Variants in EML4 observed in about 807,000 individuals in gnomAD.
EML4 encodes EMAP like 4, also known as echinoderm microtubule-associated protein-like 4.
EML4 carries 72 observed loss-of-function variants against 129.0 expected under a neutral mutation model. The ratio of observed to expected loss-of-function variants is 0.56; its 90% CI spans 0.46 to 0.68. EML4 has a LOEUF of 0.68. EML4 is among the 30% of genes least tolerant of loss of function. The pLI is 0.00. For synonymous variants in EML4, 532 were observed against 405.0 expected (o/e 1.31, Z -3.77); for missense variants, 1,363 against 1,190.6 (o/e 1.14, Z -2.13).
chr2:42,239,725 G>A (rs779416327), intron 1 of EML4, among the ~76,000 whole-genome samples: 3 of 145,610 alleles, frequency 2.1e-5, no homozygotes, highest in African/African-American at 5.1e-5. Context: ...TAAAGGGAGG[G>A]GATTACCATT....
At chr2:42,170,844 C>G (rs990032711) in intron 1 of EML4, among the ~76,000 whole-genome samples, 1 of 152,156 alleles carries the variant, frequency 6.6e-6, no homozygotes, top group Non-Finnish European at 1.5e-5. Context: ...TGGCCATAGG[C>G]CGTACTATAT....
At chr2:42,222,981 A>G (rs954468870) in intron 1 of EML4, among the ~76,000 whole-genome samples, 1 of 151,928 alleles carries the variant, frequency 6.6e-6, no homozygotes, top group African/African-American at 2.4e-5. Flanking sequence ...TTGTCTTTTT[A>G]GTAGAGATGG....
rs1676154113 is a variant in EML4, at chr2:42,256,418, T to C, written c.209-83T>C. 3.5e-6 allele frequency: 5 copies of C among 1,414,304 alleles called. No individual in the cohort carries two copies. In the Admixed American group the frequency reaches 1.2e-4, roughly 34 times the overall value. The allele number at this position is 1,414,304 out of a possible 1,614,324, so 87.6% of individuals were successfully genotyped here. ...AATTTTTTTTCTACCACCCCCTCCT[T>C]CCAAATGGACTTAATTTTAAAATTT... On this transcript the variant is annotated intron_variant, in intron 2 of 22. Coordinates refer to ENST00000318522, the MANE Select transcript of EML4 (RefSeq NM_019063.5).
At position 42,315,925 on chromosome 2, in the gene EML4, A is replaced by G. The variant is rs180985460; in HGVS notation, c.1968-37A>G. 1.4e-4 allele frequency: 206 copies of G among 1,459,406 alleles called. 2 individuals carry two copies. Among genetic ancestry groups the G allele is most frequent in the South Asian group, 1.4e-3 (112 of 82,732 alleles). 90.4% of individuals were successfully genotyped at this position (1,459,406 alleles called of 1,614,324 possible). A position where few individuals can be genotyped will look rare whatever the true frequency, so the allele number is the denominator to read the frequency against. On this transcript the variant is annotated intron_variant, in intron 17 of 22. Transcript: ENST00000318522. The stretch of plus-strand genomic sequence containing the variant: ...CAACTTTTTTTTTCTATAAATGCTA[A>G]TATCTGAAGAAAATTTTGATTTTTA...
At chr2:42,214,503 C>G (rs1361716376) in intron 1 of EML4, among the ~76,000 whole-genome samples, 2 of 151,546 alleles carry the variant, frequency 1.3e-5, no homozygotes, top group African/African-American at 4.9e-5. Flanking sequence ...AGGATTTGGG[C>G]TAAATATTTA....
intron 1 of EML4, among the ~76,000 whole-genome samples, chr2:42,173,569 C>G (rs956380730): frequency 6.6e-6 from 1 of 152,096 alleles, no homozygotes; most frequent in Non-Finnish European, 1.5e-5. Flanking sequence ...AGTACCATGA[C>G]TAGGTGCAGT....
chr2:42,300,947 CTA>C lies in EML4; in HGVS notation c.1490-290_1490-289del, dbSNP rs1668251935. On this transcript the variant is annotated intron_variant, in intron 13 of 22. Coordinates refer to ENST00000318522, the MANE Select transcript of EML4 (RefSeq NM_019063.5). ...AGATAGTAAAGTTCTGAAACCTATA[CTA>C]TATCCCCTTTCGTCTGTGGAATTAT... Among the ~76,000 whole-genome samples the C allele has an allele frequency of 2.6e-5, 4 of 152,274 alleles. No individual in the cohort carries two copies. In the South Asian group the frequency reaches 6.2e-4, roughly 24 times the overall value.
intron 1 of EML4, among the ~76,000 whole-genome samples, chr2:42,198,444 C>A (rs1230097047): frequency 2.0e-5 from 3 of 152,052 alleles, no homozygotes; most frequent in Non-Finnish European, 4.4e-5. Context: ...GTGGCTAACA[C>A]CTGTAATCCC....
At chr2:42,280,796 G>A in intron 6 of EML4, 54 bp from the exon 7 acceptor site, 1 of 1,415,552 alleles carries the variant, frequency 7.1e-7, no homozygotes, top group East Asian at 2.3e-5. Flanking sequence ...ATCCACTTTT[G>A]TATGACTATA....
intron 1 of EML4, among the ~76,000 whole-genome samples, chr2:42,233,880 A>G (rs1558525198): frequency 6.6e-6 from 1 of 152,214 alleles, no homozygotes; most frequent in Non-Finnish European, 1.5e-5. Context: ...CACATTGTTT[A>G]TTTTATTTCC....
chr2:42,280,365 G>T (rs138194118), intron 6 of EML4, among the ~76,000 whole-genome samples: 2,067 of 152,232 alleles, frequency 0.014, 27 homozygotes, highest in Non-Finnish European at 0.023. Context: ...GGACTTTATA[G>T]TATCACTTTG....
intron 6 of EML4, among the ~76,000 whole-genome samples, chr2:42,280,216 T>C (rs1001242274): frequency 7.2e-5 from 11 of 152,246 alleles, no homozygotes; most frequent in African/African-American, 2.7e-4. Context: ...AAATTTTCTT[T>C]AGCATTTTTC....
At chr2:42,273,158 A>G (rs1666468678) in intron 6 of EML4, among the ~76,000 whole-genome samples, 2 of 152,158 alleles carry the variant, frequency 1.3e-5, no homozygotes, top group South Asian at 4.1e-4. Flanking sequence ...TTTTTCATTT[A>G]TTTAGTGCTT....
At chr2:42,281,253 T>C (rs1194420742) in intron 7 of EML4, among the ~76,000 whole-genome samples, 1 of 151,698 alleles carries the variant, frequency 6.6e-6, no homozygotes, top group Non-Finnish European at 1.5e-5. Context: ...ATTAGCCAGG[T>C]GTGGTGGTGC....
intron 1 of EML4, among the ~76,000 whole-genome samples, chr2:42,243,248 G>A (rs972857156): frequency 3.3e-5 from 5 of 152,162 alleles, no homozygotes; most frequent in Admixed American, 6.5e-5. Flanking sequence ...CTTCCTGTGA[G>A]AAGAAGGAGA....
intron 1 of EML4, among the ~76,000 whole-genome samples, chr2:42,217,986 T>G (rs567741080): frequency 3.9e-5 from 6 of 152,120 alleles, no homozygotes; most frequent in Non-Finnish European, 8.8e-5. Flanking sequence ...TCCTAGAAGT[T>G]TGTGTAGTCT....
chr2:42,237,708 TTATAA>T (rs1674763080), intron 1 of EML4, among the ~76,000 whole-genome samples: 4 of 152,206 alleles, frequency 2.6e-5, no homozygotes, highest in Admixed American at 6.5e-5. Context: ...TGCTGTACTC[TTATAA>T]TAAAGTAAGC....
At chr2:42,292,623 G>C (rs948831745) in intron 11 of EML4, among the ~76,000 whole-genome samples, 7 of 152,168 alleles carry the variant, frequency 4.6e-5, no homozygotes, top group African/African-American at 1.7e-4. Flanking sequence ...GATAGTGACT[G>C]GAAAGGGGAT....
chr2:42,287,305 A>C (rs1251282178), intron 10 of EML4, among the ~76,000 whole-genome samples: 1 of 152,148 alleles, frequency 6.6e-6, no homozygotes, highest in African/African-American at 2.4e-5. Context: ...AGAAAAGGAG[A>C]TAAGAGGTCA....
Sources: gnomAD v4.1 joint callset for allele counts (sites outside exome capture counted in the v4.1 genomes callset) on GRCh38, gnomAD v4.1.1 for gene constraint, MANE v1.5 for transcripts, NCBI Gene and HGNC (gene_info 2026-07-23, HGNC 2026-07-21) for gene names.